The following CCDC30 variants were observed in gnomAD, a reference collection of about 807,000 sequenced individuals.
The protein encoded by CCDC30 is coiled-coil domain-containing protein 30.
In CCDC30, 70 loss-of-function variants were observed where a neutral mutation model predicts 100.2. That is an observed-to-expected ratio of 0.70 (90% confidence interval 0.58 to 0.85). The LOEUF (loss-of-function observed/expected upper bound fraction) is 0.85. Ranked by LOEUF, CCDC30 falls within the 40% of genes least tolerant of loss-of-function variation. The probability of loss-of-function intolerance (pLI) is 0.00; values close to 1 mark genes in which losing one functional copy is unlikely to be tolerated. For synonymous variants in CCDC30, 233 were observed against 269.5 expected (o/e 0.86, Z 1.33); for missense variants, 652 against 771.2 (o/e 0.85, Z 1.83).
intron 11 of CCDC30, among the ~76,000 whole-genome samples, chr1:42,612,251 C>T (rs1468402833): frequency 6.6e-6 from 1 of 152,140 alleles, no homozygotes; most frequent in African/African-American, 2.4e-5. Context: ...CAGGGTACAA[C>T]TGCTAACAGA....
chr1:42,621,420 A>T (rs189522082), intron 11 of CCDC30, among the ~76,000 whole-genome samples: 74 of 152,012 alleles, frequency 4.9e-4, no homozygotes, highest in African/African-American at 1.8e-3. Context: ...GGCTCAAGTG[A>T]TCCTTCCACT....
At chr1:42,581,817 T>G (rs1014110512) in intron 9 of CCDC30, among the ~76,000 whole-genome samples, 2 of 152,242 alleles carry the variant, frequency 1.3e-5, no homozygotes, top group African/African-American at 4.8e-5. Context: ...TGAAATACTA[T>G]GGAATTTGCT....
At chr1:42,629,182 A>C (rs1454681765) in intron 11 of CCDC30, among the ~76,000 whole-genome samples, 2 of 151,998 alleles carry the variant, frequency 1.3e-5, no homozygotes, top group African/African-American at 4.8e-5. Context: ...TGATTGAAGT[A>C]CTCCCTTTAG....
chr1:42,497,320 C>A, intron 5 of CCDC30, 107 bp downstream of exon 5: 1 of 519,090 alleles, frequency 1.9e-6, no homozygotes, highest in Non-Finnish European at 3.0e-6. Flanking sequence ...TAGCAGGGAC[C>A]AATACTGGTG....
chr1:42,537,108 C>G (rs895696369), intron 6 of CCDC30: 1 of 444,580 alleles, frequency 2.2e-6, no homozygotes, highest in East Asian at 7.0e-5. Flanking sequence ...AATGGGGTAG[C>G]TCTGTTGTTT....
At chr1:42,465,654 G>T (rs113903223) in intron 1 of CCDC30, among the ~76,000 whole-genome samples, 36,539 of 151,870 alleles carry the variant, frequency 0.24, 4,727 homozygotes, top group South Asian at 0.42. Flanking sequence ...TGTGAGCCAC[G>T]GTACCCGACC....
At chr1:42,491,817 A>G in intron 4 of CCDC30, 1 of 343,556 alleles carries the variant, frequency 2.9e-6, no homozygotes, top group Non-Finnish European at 5.6e-6. Flanking sequence ...TCCATTTTCT[A>G]AGAAAGATTG....
intron 6 of CCDC30, among the ~76,000 whole-genome samples, chr1:42,504,943 G>C (rs191475386): frequency 6.6e-6 from 1 of 152,194 alleles, no homozygotes. Flanking sequence ...CTCAGCAATA[G>C]TGAAACCTTC....
At chr1:42,522,263 G>C (rs904248023) in intron 6 of CCDC30, among the ~76,000 whole-genome samples, 1 of 152,038 alleles carries the variant, frequency 6.6e-6, no homozygotes, top group East Asian at 1.9e-4. Flanking sequence ...CAGATGCAGA[G>C]AGCCAACTGT....
At chr1:42,571,139 A>G (rs1365458674) in intron 7 of CCDC30, 4 of 152,264 alleles carry the variant, frequency 2.6e-5, no homozygotes, top group Admixed American at 2.0e-4. Flanking sequence ...CACAGGCCCA[A>G]GAGGCCTTTA....
chr1:42,601,210 G>A (rs1032300933), intron 10 of CCDC30, among the ~76,000 whole-genome samples: 1 of 152,204 alleles, frequency 6.6e-6, no homozygotes, highest in Non-Finnish European at 1.5e-5. Flanking sequence ...CTAAATGAAA[G>A]TGAAGATACA....
At chr1:42,619,779 T>C (rs923579533) in intron 11 of CCDC30, among the ~76,000 whole-genome samples, 4 of 152,162 alleles carry the variant, frequency 2.6e-5, no homozygotes, top group African/African-American at 9.7e-5. Context: ...TTATTCTCTA[T>C]AGATGCAAAT....
intron 6 of CCDC30, 109 bp downstream of exon 6, chr1:42,499,025 G>A (rs1256150392): frequency 5.9e-6 from 3 of 508,226 alleles, no homozygotes; most frequent in Non-Finnish European, 9.2e-6. Flanking sequence ...TTTCTTATTG[G>A]GCTGTCTTTT....
At chr1:42,637,735 T>G (rs1218320845) in intron 12 of CCDC30, among the ~76,000 whole-genome samples, 1 of 152,192 alleles carries the variant, frequency 6.6e-6, no homozygotes, top group African/African-American at 2.4e-5. Context: ...CAGACTTCAG[T>G]GTCAGTTTTA....
chr1:42,521,022 G>A (rs146520070), intron 6 of CCDC30: 19,629 of 144,344 alleles, frequency 0.14, 1,463 homozygotes, highest in East Asian at 0.18. Context: ...TGCCCAGGCT[G>A]GAGTGCAGTG....
intron 11 of CCDC30, among the ~76,000 whole-genome samples, chr1:42,633,333 T>C (rs1225963454): frequency 2.0e-5 from 3 of 152,156 alleles, no homozygotes; most frequent in Non-Finnish European, 4.4e-5. Flanking sequence ...TATTTTTCTT[T>C]TCTCAGTATG....
intron 15 of CCDC30, among the ~76,000 whole-genome samples, chr1:42,650,606 A>C (rs1470398214): frequency 6.6e-6 from 1 of 151,936 alleles, no homozygotes; most frequent in African/African-American, 2.4e-5. Context: ...TGACAAAATG[A>C]AACAGCATAG....
At chr1:42,516,783 C>T (rs1369342798) in intron 6 of CCDC30, among the ~76,000 whole-genome samples, 1 of 152,014 alleles carries the variant, frequency 6.6e-6, no homozygotes, top group Non-Finnish European at 1.5e-5. Context: ...TATAAATTAT[C>T]CAGCTCAGGT....
intron 1 of CCDC30, among the ~76,000 whole-genome samples, chr1:42,474,210 G>A (rs1643852034): frequency 6.6e-6 from 1 of 152,154 alleles, no homozygotes; most frequent in African/African-American, 2.4e-5. Flanking sequence ...CATAGAGTGT[G>A]AACTTTAACA....
Sources: allele counts gnomAD v4.1 joint callset (sites outside exome capture counted in the v4.1 genomes callset), GRCh38; gene constraint gnomAD v4.1.1; transcripts MANE v1.5; gene names NCBI Gene and HGNC (gene_info 2026-07-23, HGNC 2026-07-21).